Variants in MOB1B observed in about 807,000 individuals in gnomAD.
The protein encoded by MOB1B is MOB1 Mps One Binder homolog B.
MOB1B carries 19 observed loss-of-function variants against 24.4 expected under a neutral mutation model. That is an observed-to-expected ratio of 0.78 (90% CI 0.54 to 1.14). The LOEUF (loss-of-function observed/expected upper bound fraction) is 1.14. Ranked by LOEUF, MOB1B falls within the 50% of genes most tolerant of loss-of-function variation. The pLI, the probability that MOB1B is intolerant of heterozygous loss-of-function variation, is 0.00. For synonymous variants in MOB1B, 76 were observed against 82.1 expected (o/e 0.93, Z 0.40); for missense variants, 243 against 259.6 (o/e 0.94, Z 0.44).
chr4:70,965,740 C>T (rs1041425085), intron 2 of MOB1B, among the ~76,000 whole-genome samples: 5 of 134,572 alleles, frequency 3.7e-5, no homozygotes, highest in Middle Eastern at 4.5e-3. Context: ...GAGTTTGCAG[C>T]GAGCCGAGAT....
intron 1 of MOB1B, among the ~76,000 whole-genome samples, chr4:70,920,512 A>G (rs1284777119): frequency 6.6e-6 from 1 of 152,274 alleles, no homozygotes; most frequent in African/African-American, 2.4e-5. Flanking sequence ...GGCATGAGCC[A>G]CTGAACCTGG....
intron 1 of MOB1B, among the ~76,000 whole-genome samples, chr4:70,913,236 C>A (rs573591756): frequency 2.0e-4 from 30 of 151,962 alleles, no homozygotes; most frequent in South Asian, 1.0e-3. Context: ...GTATGTTTTT[C>A]TTTTCTTATG....
intron 1 of MOB1B, among the ~76,000 whole-genome samples, chr4:70,956,233 A>T (rs776453628): frequency 8.5e-5 from 13 of 152,158 alleles, no homozygotes; most frequent in Middle Eastern, 3.4e-3. Flanking sequence ...TCATAATCTA[A>T]TGAGTGTTTT....
chr4:70,931,212 T>C (rs896566694), intron 1 of MOB1B, among the ~76,000 whole-genome samples: 4 of 152,152 alleles, frequency 2.6e-5, no homozygotes, highest in African/African-American at 9.7e-5. Flanking sequence ...AGAATGAAAT[T>C]AGCTTTAATG....
chr4:70,979,016 A>G (rs1739102971), intron 4 of MOB1B, 112 bp from the exon 5 acceptor site: 2 of 833,478 alleles, frequency 2.4e-6, no homozygotes, highest in Non-Finnish European at 3.9e-6. Context: ...AAATTCATAA[A>G]TGCTACTTCT....
intron 4 of MOB1B, 122 bp from the exon 5 acceptor site, chr4:70,979,006 A>G: frequency 3.8e-6 from 3 of 781,122 alleles, no homozygotes; most frequent in South Asian, 1.7e-5. Context: ...GTATATGTAT[A>G]AATTCATAAA....
chr4:70,949,317 T>C (rs1314048163), intron 1 of MOB1B, among the ~76,000 whole-genome samples: 1 of 152,244 alleles, frequency 6.6e-6, no homozygotes, highest in Non-Finnish European at 1.5e-5. Flanking sequence ...GGCAGAAATG[T>C]AAGTAGATAT....
intron 3 of MOB1B, among the ~76,000 whole-genome samples, 170 bp downstream of exon 3, chr4:70,970,194 C>A (rs1358394027): frequency 1.3e-5 from 2 of 152,068 alleles, no homozygotes; most frequent in African/African-American, 4.8e-5. Context: ...TCCATCTTGC[C>A]TTTCCTCTGT....
chr4:70,902,641 G>A (rs1220997384), intron 1 of MOB1B, 91 bp downstream of exon 1: 2 of 1,084,262 alleles, frequency 1.8e-6, no homozygotes, highest in African/African-American at 1.9e-5. Flanking sequence ...CCCTCGTCCC[G>A]ACCCTCCTGG....
chr4:70,941,340 TTTTA>T (rs1158087376), intron 1 of MOB1B, among the ~76,000 whole-genome samples: 4 of 152,154 alleles, frequency 2.6e-5, no homozygotes, highest in Non-Finnish European at 4.4e-5. Flanking sequence ...ATTTGTTTTA[TTTTA>T]TTTATTTATT....
intron 4 of MOB1B, chr4:70,976,526 T>C (rs1019984799): frequency 3.7e-5 from 36 of 985,128 alleles, no homozygotes; most frequent in African/African-American, 8.7e-5. Flanking sequence ...TACGTTTAGA[T>C]AGTCATGTTT....
At position 70,987,160 on chromosome 4, in the gene MOB1B, G is replaced by T. The variant is rs1739405904; in HGVS notation, c.*5103G>T. 1 of 152,026 alleles carries T rather than the reference G, an allele frequency of 6.6e-6. No individual in the cohort carries two copies. Among genetic ancestry groups the T allele is most frequent in the Admixed American group, 6.5e-5 (1 of 15,280 alleles). The allele number at this position is 152,026 out of a possible 1,614,324, so 9.4% of individuals were successfully genotyped here. ...TGTTAGAGATTCTGAAGTATTTACT[G>T]TCAATTCATAGGTTTCAGTTTATTT... On this transcript the variant is annotated 3_prime_UTR_variant, in exon 6 of 6. Coordinates refer to ENST00000309395, the MANE Select transcript of MOB1B (RefSeq NM_173468.4).
intron 1 of MOB1B, among the ~76,000 whole-genome samples, chr4:70,910,604 C>T (rs567943639): frequency 1.3e-5 from 2 of 151,624 alleles, no homozygotes; most frequent in African/African-American, 2.4e-5. Context: ...TAGTAGAAGA[C>T]GAAATAGTAA....
chr4:70,907,245 C>G (rs902484835), intron 1 of MOB1B, among the ~76,000 whole-genome samples: 12 of 152,122 alleles, frequency 7.9e-5, no homozygotes, highest in African/African-American at 2.7e-4. Flanking sequence ...GGCCTGGGGA[C>G]AGTTGGAACT....
At chr4:70,950,805 A>G in intron 1 of MOB1B, 2 of 1,512,138 alleles carry the variant, frequency 1.3e-6, no homozygotes, top group Non-Finnish European at 1.8e-6. Flanking sequence ...ACTGATGTGA[A>G]TGAAAGGTTA....
At chr4:70,975,873 CTA>C in intron 4 of MOB1B, 4 of 841,518 alleles carry the variant, frequency 4.8e-6, no homozygotes, top group Non-Finnish European at 5.7e-6. Flanking sequence ...GGTAAACCCT[CTA>C]TTTTATTTTA....
chr4:70,948,854 G>T (rs1410023523), intron 1 of MOB1B, among the ~76,000 whole-genome samples: 1 of 152,156 alleles, frequency 6.6e-6, no homozygotes, highest in Non-Finnish European at 1.5e-5. Flanking sequence ...AAGTTCCCCT[G>T]CCTGCTGGGG....
intron 1 of MOB1B, among the ~76,000 whole-genome samples, chr4:70,915,746 T>G (rs910177074): frequency 2.0e-4 from 31 of 151,940 alleles, no homozygotes; most frequent in Non-Finnish European, 4.3e-4. Flanking sequence ...TTTTTTTTTT[T>G]TCTGTAGCTT....
In MOB1B at chr4:70,958,934, G is replaced by A. The variant is rs1738184039; in HGVS notation, c.75G>A (p.Gln25=). 1.2e-6 allele frequency: 2 copies of A among 1,613,928 alleles called. No homozygotes were observed. Among genetic ancestry groups the A allele is most frequent in the Non-Finnish European group, 1.7e-6 (2 of 1,180,016 alleles). ...AGAACATTCCAGAGGGTTCTCACCA[G>A]TATGAGCTCTTAAAACACGCAGAAG... is the stretch of plus-strand genomic sequence containing the variant. ...PKKNIPEGSH[Q]YELLKHAEAT... is the part of the protein sequence containing the mutation. The change falls in exon 2 of 6, where the codon CAG becomes CAA. Residue 25 remains glutamine (Q), a synonymous_variant. Coordinates refer to ENST00000309395, the MANE Select transcript of MOB1B (RefSeq NM_173468.4).
Sources: gnomAD v4.1 joint callset for allele counts (sites outside exome capture counted in the v4.1 genomes callset) on GRCh38, gnomAD v4.1.1 for gene constraint, MANE v1.5 for transcripts, NCBI Gene and HGNC (gene_info 2026-07-23, HGNC 2026-07-21) for gene names.